Variants in ETV6 observed in about 807,000 individuals in gnomAD.
ETV6 encodes transcription factor ETV6.
Under a neutral mutation model 51.1 loss-of-function variants are expected in ETV6, and 16 were observed. The ratio of observed to expected loss-of-function variants is 0.31; its 90% CI spans 0.21 to 0.48. The LOEUF is 0.48. ETV6 is among the 20% of genes least tolerant of loss of function. The pLI is 0.99. For synonymous variants in ETV6, 240 were observed against 224.1 expected (o/e 1.07, Z -0.64); for missense variants, 458 against 594.8 (o/e 0.77, Z 2.39).
At chr12:11,658,668 C>T (rs1486012908) in intron 1 of ETV6, among the ~76,000 whole-genome samples, 3 of 152,194 alleles carry the variant, frequency 2.0e-5, no homozygotes, top group Non-Finnish European at 4.4e-5. Flanking sequence ...TTGAGTTGTT[C>T]ACAGGGCTGG....
intron 2 of ETV6, among the ~76,000 whole-genome samples, chr12:11,773,192 CA>C (rs1221154358): frequency 9.8e-4 from 78 of 79,330 alleles, no homozygotes; most frequent in African/African-American, 3.2e-3. Context: ...GACTCCATCT[CA>C]AAAAAAAAAA....
intron 1 of ETV6, among the ~76,000 whole-genome samples, chr12:11,702,243 C>T (rs1044340737): frequency 5.9e-5 from 9 of 152,142 alleles, no homozygotes; most frequent in African/African-American, 9.7e-5. Flanking sequence ...TCAGGTGCAT[C>T]GGGCCTGTTG....
At chr12:11,745,404 G>A (rs1317983722) in intron 1 of ETV6, among the ~76,000 whole-genome samples, 1 of 152,174 alleles carries the variant, frequency 6.6e-6, no homozygotes, top group Non-Finnish European at 1.5e-5. Flanking sequence ...CTAGTGCATC[G>A]GTATCTGTTG....
intron 2 of ETV6, among the ~76,000 whole-genome samples, chr12:11,791,539 G>T (rs1945592958): frequency 1.3e-5 from 2 of 152,276 alleles, no homozygotes; most frequent in East Asian, 3.9e-4. Context: ...TTCCTGTAAG[G>T]TCGTGCATAA....
chr12:11,687,270 C>A (rs923376862), intron 1 of ETV6, among the ~76,000 whole-genome samples: 4 of 150,744 alleles, frequency 2.7e-5, no homozygotes, highest in Non-Finnish European at 5.9e-5. Flanking sequence ...CCACGCCCCC[C>A]ACCAGGTTCA....
chr12:11,752,827 G>A, intron 2 of ETV6: 1 of 383,812 alleles, frequency 2.6e-6, no homozygotes, highest in South Asian at 6.7e-5. Flanking sequence ...AAGAAACCTG[G>A]AAACATGCAG....
chr12:11,809,506 C>T (rs1311297347), intron 2 of ETV6, among the ~76,000 whole-genome samples: 1 of 152,126 alleles, frequency 6.6e-6, no homozygotes, highest in African/African-American at 2.4e-5. Context: ...ATTAATGTGT[C>T]TTGACTTAAG....
In ETV6 at chr12:11,783,828, T is replaced by G. The variant is rs929665738; in HGVS notation, c.163+31249T>G. 3.3e-5 allele frequency among the ~76,000 whole-genome samples: 5 copies of G among 152,274 alleles called. No homozygotes were observed. The East Asian group carries it at 9.7e-4, about 29-fold the overall frequency. The stretch of plus-strand genomic sequence containing the variant: ...TGGAAACTCCCACTTCACAGCCTTT[T>G]TGTTTGTGGTTGGTTGTTTTTTTGT... On this transcript the variant is annotated intron_variant, in intron 2 of 7. Coordinates refer to ENST00000396373, the MANE Select transcript of ETV6 (RefSeq NM_001987.5).
chr12:11,728,357 C>T (rs1012592744), intron 1 of ETV6, among the ~76,000 whole-genome samples: 14 of 152,208 alleles, frequency 9.2e-5, no homozygotes, highest in Admixed American at 5.9e-4. Flanking sequence ...GGAACTGGGC[C>T]GCACAGCAGG....
chr12:11,721,504 C>T (rs1157611848), intron 1 of ETV6, among the ~76,000 whole-genome samples: 4 of 152,164 alleles, frequency 2.6e-5, no homozygotes, highest in Admixed American at 2.6e-4. Context: ...CATGTTCTCA[C>T]TTATAAGTAG....
chr12:11,776,974 C>T (rs891680829), intron 2 of ETV6, among the ~76,000 whole-genome samples: 3 of 152,220 alleles, frequency 2.0e-5, no homozygotes, highest in Admixed American at 1.3e-4. Context: ...CGCAGTGGCT[C>T]ACGCCTGTAA....
intron 2 of ETV6, among the ~76,000 whole-genome samples, chr12:11,759,629 T>G (rs1945054388): frequency 6.6e-6 from 1 of 152,222 alleles, no homozygotes; most frequent in African/African-American, 2.4e-5. Flanking sequence ...CCTCTTGGAT[T>G]TTCCCAACCC....
chr12:11,854,160 G>A (rs538644010), intron 4 of ETV6, among the ~76,000 whole-genome samples: 83 of 152,106 alleles, frequency 5.5e-4, no homozygotes, highest in African/African-American at 2.0e-3. Context: ...TTAGATTCCC[G>A]TAAGGAGTGT....
chr12:11,690,191 T>G (rs978455654), intron 1 of ETV6, among the ~76,000 whole-genome samples: 1 of 148,148 alleles, frequency 6.8e-6, no homozygotes, highest in African/African-American at 2.6e-5. Context: ...TCTTGTCTCC[T>G]TCTGCTTGAT....
chr12:11,886,213 C>A (rs923245976), intron 7 of ETV6, among the ~76,000 whole-genome samples, 187 bp downstream of exon 7: 1 of 152,202 alleles, frequency 6.6e-6, no homozygotes, highest in Non-Finnish European at 1.5e-5. Context: ...TAACTTATGT[C>A]TGTCCTGTAA....
At chr12:11,671,128 C>T (rs2724606) in intron 1 of ETV6, among the ~76,000 whole-genome samples, 1 of 151,902 alleles carries the variant, frequency 6.6e-6, no homozygotes, top group African/African-American at 2.4e-5. Flanking sequence ...GTAAGGTTGG[C>T]AGGGCGGGGA....
Position 11,891,097 on chromosome 12 carries a change from C to G in ETV6, c.*51C>G, listed in dbSNP as rs778758120. On this transcript the variant is annotated 3_prime_UTR_variant, in exon 8 of 8. Coordinates refer to ENST00000396373, the MANE Select transcript of ETV6 (RefSeq NM_001987.5). ...GCCAGCAGCCCAGGGAACCCCTGCC[C>G]ACCAGGATTGCTGGAAGTGTGACGG... 2.1e-6 allele frequency: 3 copies of G among 1,435,014 alleles called. No individual in the cohort carries two copies. Among genetic ancestry groups the G allele is most frequent in the East Asian group, 4.5e-5 (2 of 44,018 alleles). 88.9% of individuals were successfully genotyped at this position (1,435,014 alleles called of 1,614,324 possible).
intron 2 of ETV6, among the ~76,000 whole-genome samples, chr12:11,791,055 G>A (rs1945580122): frequency 6.6e-6 from 1 of 152,126 alleles, no homozygotes; most frequent in African/African-American, 2.4e-5. Flanking sequence ...CATGTAACTA[G>A]TGACACCAGT....
intron 2 of ETV6, among the ~76,000 whole-genome samples, chr12:11,823,250 C>A (rs1946107342): frequency 6.6e-6 from 1 of 152,148 alleles, no homozygotes; most frequent in Non-Finnish European, 1.5e-5. Context: ...TGCAATTCAT[C>A]ACTGAACTTG....
Sources: gnomAD v4.1 joint callset for allele counts (sites outside exome capture counted in the v4.1 genomes callset) on GRCh38, gnomAD v4.1.1 for gene constraint, MANE v1.5 for transcripts, NCBI Gene and HGNC (gene_info 2026-07-23, HGNC 2026-07-21) for gene names.